NDUFAF6: variants seen among roughly 807,000 people sequenced by gnomAD.
NDUFAF6 encodes the protein NADH dehydrogenase (ubiquinone) complex I, assembly factor 6.
A neutral mutation model predicts 40.8 loss-of-function variants in NDUFAF6; 45 were observed. The ratio of observed to expected loss-of-function variants is 1.10; its 90% CI spans 0.87 to 1.42. The LOEUF (loss-of-function observed/expected upper bound fraction) is 1.42, where lower values mean the gene tolerates loss of function less well. Ranked by LOEUF, NDUFAF6 falls within the 40% of genes most tolerant of loss-of-function variation. The pLI, the probability that NDUFAF6 is intolerant of heterozygous loss-of-function variation, is 0.00. For synonymous variants in NDUFAF6, 185 were observed against 155.9 expected (o/e 1.19, Z -1.39); for missense variants, 435 against 418.5 (o/e 1.04, Z -0.34).
At chr8:94,911,162 G>C (rs1362813066) in intron 1 of NDUFAF6, among the ~76,000 whole-genome samples, 1 of 152,186 alleles carries the variant, frequency 6.6e-6, no homozygotes, top group Non-Finnish European at 1.5e-5. Flanking sequence ...TAACACGTCT[G>C]TATTTGACTT....
intron 1 of NDUFAF6, among the ~76,000 whole-genome samples, chr8:94,972,974 G>A (rs931047585): frequency 6.6e-6 from 1 of 152,154 alleles, no homozygotes; most frequent in Non-Finnish European, 1.5e-5. Context: ...CACTTTGGGA[G>A]GCCAAGCTGG....
At chr8:95,048,832 G>A (rs1426288467) in intron 7 of NDUFAF6, among the ~76,000 whole-genome samples, 1 of 152,018 alleles carries the variant, frequency 6.6e-6, no homozygotes, top group Non-Finnish European at 1.5e-5. Flanking sequence ...CTTCTCTCTT[G>A]GAAGACAGGG....
At chr8:95,050,599 G>T (rs1217448411) in intron 7 of NDUFAF6, among the ~76,000 whole-genome samples, 2 of 152,148 alleles carry the variant, frequency 1.3e-5, no homozygotes, top group Non-Finnish European at 2.9e-5. Context: ...TTATAATGAA[G>T]TGCAGCATAT....
chr8:95,055,831 T>G (rs1832052187), intron 8 of NDUFAF6, among the ~76,000 whole-genome samples: 2 of 152,238 alleles, frequency 1.3e-5, no homozygotes. Context: ...TTGCAATGTA[T>G]AGCATAATAA....
chr8:95,095,854 G>A (rs1167551334), upstream of NDUFAF6, among the ~76,000 whole-genome samples: 1 of 151,982 alleles, frequency 6.6e-6, no homozygotes, highest in Non-Finnish European at 1.5e-5. Context: ...TAGTAGAGAT[G>A]GGGTTTTGCA....
chr8:95,111,645 CT>C, intron 4 of NDUFAF6, among the ~76,000 whole-genome samples: 1 of 152,102 alleles, frequency 6.6e-6, no homozygotes, highest in Non-Finnish European at 1.5e-5. Flanking sequence ...ACACACACAC[CT>C]GCCTGCTCAT....
upstream of NDUFAF6, among the ~76,000 whole-genome samples, chr8:94,954,100 G>A (rs955765323): frequency 1.3e-5 from 2 of 151,930 alleles, no homozygotes; most frequent in Non-Finnish European, 1.5e-5. Context: ...ATCTCGCTTC[G>A]TCGCCAGGCT....
chr8:95,053,225 G>T (rs184198998), intron 8 of NDUFAF6, among the ~76,000 whole-genome samples: 3 of 152,102 alleles, frequency 2.0e-5, no homozygotes, highest in Admixed American at 1.3e-4. Flanking sequence ...TTAAATTTTC[G>T]TAGTGTAAGA....
chr8:95,108,029 C>T (rs1809891226), downstream of NDUFAF6, among the ~76,000 whole-genome samples: 1 of 152,134 alleles, frequency 6.6e-6, no homozygotes, highest in African/African-American at 2.4e-5. Context: ...GGATGGCTAC[C>T]ATAGAAAAAC....
chr8:94,983,598 G>T (rs1466925875), intron 2 of NDUFAF6, among the ~76,000 whole-genome samples: 1 of 152,024 alleles, frequency 6.6e-6, no homozygotes, highest in Non-Finnish European at 1.5e-5. Context: ...CCCAAATCTT[G>T]TACTGGTATT....
intron 2 of NDUFAF6, among the ~76,000 whole-genome samples, chr8:95,089,450 T>G (rs1243332051): frequency 1.0e-5 from 1 of 99,836 alleles, no homozygotes; most frequent in Non-Finnish European, 1.9e-5. Flanking sequence ...ATATACATAG[T>G]GTAAACTGTG....
upstream of NDUFAF6, among the ~76,000 whole-genome samples, chr8:95,095,446 A>C (rs28396549): frequency 0.1 from 15,863 of 152,002 alleles, 2,578 homozygotes; most frequent in African/African-American, 0.35. Flanking sequence ...CAAGGTGCAA[A>C]CTAAAGGCAA....
upstream of NDUFAF6, among the ~76,000 whole-genome samples, chr8:95,023,652 C>T (rs930298497): frequency 6.6e-6 from 1 of 152,166 alleles, no homozygotes; most frequent in African/African-American, 2.4e-5. Context: ...TAGTTGGTAG[C>T]AGCTAGACCC....
At chr8:94,970,716 A>G (rs1824398814) in intron 1 of NDUFAF6, among the ~76,000 whole-genome samples, 1 of 152,280 alleles carries the variant, frequency 6.6e-6, no homozygotes, top group Admixed American at 6.5e-5. Flanking sequence ...GGAAGAATTT[A>G]TGGTAACACA....
chr8:95,103,168 G>GT (rs1203298237), exon 3 of NDUFAF6: 22 of 152,322 alleles, frequency 1.4e-4, no homozygotes, highest in Middle Eastern at 3.4e-3. Context: ...TGTTCAGGTG[G>GT]TTTTGTGGCT....
At chr8:94,986,407 C>G (rs1825904242) in intron 2 of NDUFAF6, among the ~76,000 whole-genome samples, 1 of 152,204 alleles carries the variant, frequency 6.6e-6, no homozygotes, top group Non-Finnish European at 1.5e-5. Flanking sequence ...ACACCTGTTT[C>G]CTCCTGAGAC....
intron 1 of NDUFAF6, chr8:94,928,149 A>G (rs1820061754): frequency 6.6e-6 from 1 of 152,238 alleles, no homozygotes; most frequent in African/African-American, 2.4e-5. Context: ...ACCTTGAAAA[A>G]AAGCCCAACG....
intron 2 of NDUFAF6, among the ~76,000 whole-genome samples, chr8:94,999,696 C>T (rs1042045744): frequency 5.9e-5 from 9 of 152,104 alleles, no homozygotes; most frequent in Non-Finnish European, 1.3e-4. Context: ...GGATTACAGG[C>T]GTGAGCCACC....
intron 2 of NDUFAF6, among the ~76,000 whole-genome samples, chr8:95,084,726 C>G (rs1808985914): frequency 6.6e-6 from 1 of 152,152 alleles, no homozygotes; most frequent in East Asian, 1.9e-4. Flanking sequence ...GGCTAGAAAT[C>G]TAAAATTTCT....
Sources: gnomAD v4.1 joint callset for allele counts (sites outside exome capture counted in the v4.1 genomes callset) on GRCh38, gnomAD v4.1.1 for gene constraint, MANE v1.5 for transcripts, NCBI Gene and HGNC (gene_info 2026-07-23, HGNC 2026-07-21) for gene names.